Variants in EHD2 observed in about 807,000 individuals in gnomAD.
EHD2 encodes EH domain containing 2.
EHD2 carries 27 observed loss-of-function variants against 41.0 expected under a neutral mutation model. The observed-to-expected ratio is 0.66, with a 90% confidence interval of 0.49 to 0.91. The LOEUF is 0.91. EHD2 is among the 40% of genes least tolerant of loss of function. The pLI is 0.00. For missense variants in EHD2, 673 were observed against 773.9 expected, an observed-to-expected ratio of 0.87 and a Z score of 1.55; for synonymous variants, 342 against 341.0, an observed-to-expected ratio of 1.00 and a Z score of -0.03.
chr19:47,718,522 C>A lies in EHD2; in HGVS notation c.418C>A (p.Gln140Lys), dbSNP rs865875364. 1 of 1,582,516 alleles carries A rather than the reference C, an allele frequency of 6.3e-7. No homozygotes were observed. Among genetic ancestry groups the A allele is most frequent in the East Asian group, 2.3e-5 (1 of 43,740 alleles). ...NTFLNRFMCA[Q>K]LPNQVLESIS... ...CTCTGCCCCCAGGTTCATGTGTGCC[C>A]AGCTCCCTAATCAGGTCCTGGAGAG... The change falls in exon 3 of 6, where the codon CAG becomes AAG. Residue 140 changes from glutamine (Q) to lysine (K), a missense_variant. By Grantham distance (53) the Gln-to-Lys change is moderately conservative. Coordinates refer to ENST00000263277, the MANE Select transcript of EHD2 (RefSeq NM_014601.4).
At chr19:47,731,279 A>AAAAAAAAATATATAT in intron 4 of EHD2, 2 of 60,922 alleles carry the variant, frequency 3.3e-5, no homozygotes, top group African/African-American at 9.8e-5. Context: ...AAAAAAAAAA[A>AAAAAAAAATATATAT]ATATATATAT....
At chr19:47,725,320 C>T (rs1000497649) in intron 3 of EHD2, among the ~76,000 whole-genome samples, 1 of 146,080 alleles carries the variant, frequency 6.8e-6, no homozygotes, top group African/African-American at 2.6e-5. Context: ...GAGGCTGAGG[C>T]AGGAGGATCA....
At chr19:47,732,057 G>C (rs1022698209) in intron 4 of EHD2, 5 of 152,054 alleles carry the variant, frequency 3.3e-5, no homozygotes, top group African/African-American at 1.2e-4. Flanking sequence ...AAAGTGCTGG[G>C]ATTACAGGCG....
chr19:47,720,907 T>C (rs910763859), intron 3 of EHD2, among the ~76,000 whole-genome samples: 1 of 151,940 alleles, frequency 6.6e-6, no homozygotes, highest in Admixed American at 6.6e-5. Context: ...TACGTCTGTG[T>C]GTGTGCCTTT....
At chr19:47,721,285 G>C (rs1165826121) in intron 3 of EHD2, among the ~76,000 whole-genome samples, 2 of 151,916 alleles carry the variant, frequency 1.3e-5, no homozygotes, top group Admixed American at 1.3e-4. Flanking sequence ...CCTCAAATCT[G>C]GGCTCTGCTA....
chr19:47,725,717 C>T, intron 3 of EHD2, 95 bp from the exon 4 acceptor site: 1 of 1,457,180 alleles, frequency 6.9e-7, no homozygotes, highest in Non-Finnish European at 9.2e-7. Flanking sequence ...CTTTACAGTC[C>T]AATATGCAAG....
intron 3 of EHD2, among the ~76,000 whole-genome samples, chr19:47,722,005 ACAAAACACACAC>A: frequency 7.7e-6 from 1 of 129,860 alleles, no homozygotes; most frequent in South Asian, 2.4e-4. Context: ...AAACAGAAAA[ACAAAACACACAC>A]ACACACACAC....
chr19:47,740,054 C>A (rs1966969038), intron 5 of EHD2, among the ~76,000 whole-genome samples: 1 of 152,030 alleles, frequency 6.6e-6, no homozygotes, highest in South Asian at 2.1e-4. Context: ...TCAAATACTT[C>A]TGCATGTGTC....
intron 2 of EHD2, among the ~76,000 whole-genome samples, chr19:47,718,197 C>T (rs920176731): frequency 1.3e-4 from 19 of 141,842 alleles, no homozygotes; most frequent in Admixed American, 1.1e-3. Flanking sequence ...CACTTGAACT[C>T]GGGAGGCGGA....
At chr19:47,735,288 G>A (rs192989074) in intron 4 of EHD2, among the ~76,000 whole-genome samples, 6 of 152,208 alleles carry the variant, frequency 3.9e-5, no homozygotes, top group East Asian at 1.9e-4. Flanking sequence ...ATGCAGATTC[G>A]GGAGTGGACC....
chr19:47,731,279 A>AAAATATATATATATATGT, intron 4 of EHD2: 3 of 60,934 alleles, frequency 4.9e-5, no homozygotes, highest in African/African-American at 1.5e-4. Flanking sequence ...AAAAAAAAAA[A>AAAATATATATATATATGT]ATATATATAT....
At chr19:47,721,407 T>C (rs557907554) in intron 3 of EHD2, among the ~76,000 whole-genome samples, 1 of 151,852 alleles carries the variant, frequency 6.6e-6, no homozygotes, top group African/African-American at 2.4e-5. Flanking sequence ...CTCCGCCTCC[T>C]GGGTTCAAGC....
In EHD2 at chr19:47,719,432, G is replaced by A. The variant is rs529539583; in HGVS notation, c.502+826G>A. On this transcript the variant is annotated intron_variant, in intron 3 of 5. Coordinates refer to ENST00000263277, the MANE Select transcript of EHD2 (RefSeq NM_014601.4). The surrounding 1 kb of genome is among the most constrained non-coding windows in gnomAD (Gnocchi z 4.1). ...TAAACAGCTGTGCAAGGAGAGTGGC[G>A]GGGGGTGGATTCCAGCCGGGGCCTC... is the stretch of plus-strand genomic sequence containing the variant. Among the ~76,000 whole-genome samples the A allele has an allele frequency of 1.6e-4, 25 of 152,046 alleles. No homozygotes were observed. The highest frequency in any genetic ancestry group is 1.6e-4 in the Non-Finnish European group (11 of 67,982).
intron 3 of EHD2, among the ~76,000 whole-genome samples, chr19:47,723,649 G>A (rs1201081827): frequency 4.3e-4 from 39 of 90,490 alleles, no homozygotes; most frequent in Non-Finnish European, 7.9e-5. Context: ...GCGAGACTCC[G>A]TCTGAAAAAA....
intron 2 of EHD2, among the ~76,000 whole-genome samples, chr19:47,718,030 T>C (rs1367928774): frequency 6.6e-6 from 1 of 150,510 alleles, no homozygotes; most frequent in Non-Finnish European, 1.5e-5. Context: ...CCCAGCACTT[T>C]GGGAGGCTGA....
chr19:47,734,128 G>T (rs1966898011), intron 4 of EHD2, among the ~76,000 whole-genome samples: 1 of 152,176 alleles, frequency 6.6e-6, no homozygotes. Context: ...GGCAAGAGAG[G>T]ATGACGCTCG....
intron 3 of EHD2, among the ~76,000 whole-genome samples, chr19:47,720,534 T>C (rs1373462738): frequency 6.6e-6 from 1 of 151,934 alleles, no homozygotes; most frequent in Non-Finnish European, 1.5e-5. Flanking sequence ...TGTGGGATAG[T>C]GTGCAACTGA....
chr19:47,727,860 G>A (rs796765296), intron 4 of EHD2, among the ~76,000 whole-genome samples: 2 of 152,186 alleles, frequency 1.3e-5, no homozygotes, highest in African/African-American at 4.8e-5. Flanking sequence ...TTGGGAGGCC[G>A]AGGGGGGAGC....
chr19:47,741,965 C>T lies in EHD2; in HGVS notation c.*533C>T, dbSNP rs1202917312. 2.2e-6 allele frequency: 1 copy of T among 456,106 alleles called. No homozygotes were observed. The highest frequency in any genetic ancestry group is 4.4e-6 in the Non-Finnish European group (1 of 226,864). 28.3% of individuals were successfully genotyped at this position (456,106 alleles called of 1,614,324 possible). A position where few individuals can be genotyped will look rare whatever the true frequency, so the allele number is the denominator to read the frequency against. ...CCCCTTCTGCTCCGCTTCCTCCTGC[C>T]CAGCCAGGCAACACCCTCAACCGGC... On this transcript the variant is annotated 3_prime_UTR_variant, in exon 6 of 6. Transcript: ENST00000263277. The surrounding 1 kb of genome is among the most constrained non-coding windows in gnomAD (Gnocchi z 4.5).
Sources: allele counts gnomAD v4.1 joint callset (sites outside exome capture counted in the v4.1 genomes callset), GRCh38; gene constraint gnomAD v4.1.1; non-coding constraint Gnocchi (gnomAD v3.1); transcripts MANE v1.5; gene names NCBI Gene and HGNC (gene_info 2026-07-23, HGNC 2026-07-21).